The following FLNB variants were observed in gnomAD, a reference collection of about 807,000 sequenced individuals.
The protein encoded by FLNB is filamin B.
Under a neutral mutation model 250.6 loss-of-function variants are expected in FLNB, and 111 were observed. That is an observed-to-expected ratio of 0.44 (90% CI 0.38 to 0.52). FLNB has a LOEUF of 0.52. FLNB is among the 20% of genes least tolerant of loss of function. The probability of loss-of-function intolerance (pLI) is 0.00; values close to 1 mark genes in which losing one functional copy is unlikely to be tolerated. For missense variants in FLNB, 2,869 were observed against 3,447.8 expected, an observed-to-expected ratio of 0.83 and a Z score of 4.20; for synonymous variants, 1,302 against 1,372.1, an observed-to-expected ratio of 0.95 and a Z score of 1.13.
In FLNB at chr3:58,067,593, G is replaced by T. The variant is rs6786277; in HGVS notation, c.293-9453G>T. Among the ~76,000 whole-genome samples, 454 of 140,610 alleles carry T rather than the reference G, an allele frequency of 3.2e-3. 3 individuals carry two copies. The highest frequency in any genetic ancestry group is 0.01 in the African/African-American group (379 of 37,396). The allele number at this position is 140,610 out of a possible 152,430, so 92.2% of individuals were successfully genotyped here. The stretch of plus-strand genomic sequence containing the variant: ...AGAGGTTTTTTTTGTTTGTTTTTTT[G>T]TTTTTTTTTTGTTTTTTTTTTGGGA... On this transcript the variant is annotated intron_variant, in intron 1 of 45. Transcript: ENST00000295956.
chr3:58,014,044 G>T (rs1429650084), intron 1 of FLNB, among the ~76,000 whole-genome samples: 4 of 152,188 alleles, frequency 2.6e-5, no homozygotes, highest in Non-Finnish European at 5.9e-5. Context: ...TTAAAAGGCT[G>T]TTATAAAGAT....
At chr3:58,074,691 G>T (rs935630882) in intron 1 of FLNB, among the ~76,000 whole-genome samples, 2 of 152,204 alleles carry the variant, frequency 1.3e-5, no homozygotes, top group Non-Finnish European at 2.9e-5. Flanking sequence ...GAAAATGGAT[G>T]TTGGTGTGAA....
At chr3:58,057,138 G>A (rs1000929835) in intron 1 of FLNB, among the ~76,000 whole-genome samples, 6 of 152,096 alleles carry the variant, frequency 3.9e-5, no homozygotes, top group East Asian at 3.9e-4. Context: ...ACCATGCCTG[G>A]TTAATTTTTG....
intron 14 of FLNB, 51 bp downstream of exon 14, chr3:58,109,373 C>T: frequency 6.3e-7 from 1 of 1,592,606 alleles, no homozygotes; most frequent in Non-Finnish European, 8.6e-7. Flanking sequence ...CCTGGTCATA[C>T]ACCAGGTCTG....
At chr3:58,085,871 C>CA (rs1213794071) in intron 4 of FLNB, among the ~76,000 whole-genome samples, 3 of 152,134 alleles carry the variant, frequency 2.0e-5, no homozygotes, top group Non-Finnish European at 4.4e-5. Context: ...CATGGTTAGC[C>CA]ACGGGTGACC....
chr3:58,125,788 G>T (rs751278451), intron 23 of FLNB, 45 bp downstream of exon 23: 2 of 1,581,820 alleles, frequency 1.3e-6, no homozygotes, highest in African/African-American at 1.3e-5. Flanking sequence ...CACTTTTGTG[G>T]CTAGATTCTA....
chr3:58,063,960 A>C (rs2097181887), intron 1 of FLNB, among the ~76,000 whole-genome samples: 1 of 152,138 alleles, frequency 6.6e-6, no homozygotes, highest in African/African-American at 2.4e-5. Flanking sequence ...ACAAAAAGCC[A>C]AAAGGTTTTT....
intron 1 of FLNB, among the ~76,000 whole-genome samples, chr3:58,046,889 G>A (rs2097155180): frequency 6.6e-6 from 1 of 152,138 alleles, no homozygotes; most frequent in African/African-American, 2.4e-5. Context: ...AATCATACAC[G>A]TGTTCTGGTG....
In FLNB at chr3:58,138,406, C is replaced by G; in HGVS notation, c.4986C>G (p.Ala1662=). 2 of 1,614,130 alleles carry G rather than the reference C, an allele frequency of 1.2e-6. No individual in the cohort carries two copies. The highest frequency in any genetic ancestry group is 2.2e-5 in the South Asian group (2 of 91,084). ...CCCCAGATGGCACTGAGGCCGAGGC[C>G]GATGTCATTGAGAATGAAGATGGAA... ...VLTPDGTEAE[A]DVIENEDGTY... is the part of the protein sequence containing the mutation. The change falls in exon 29 of 46, where the codon GCC becomes GCG. Residue 1662 remains alanine, a synonymous_variant. Coordinates refer to ENST00000295956, the MANE Select transcript of FLNB (RefSeq NM_001457.4).
In FLNB at chr3:58,049,080, T is replaced by G. The variant is rs79751558; in HGVS notation, c.293-27966T>G. Among the ~76,000 whole-genome samples the G allele has an allele frequency of 2.0e-5, 3 of 152,362 alleles. No homozygotes were observed. In the East Asian group the frequency reaches 5.8e-4, roughly 29 times the overall value. On this transcript the variant is annotated intron_variant, in intron 1 of 45. Coordinates refer to ENST00000295956, the MANE Select transcript of FLNB (RefSeq NM_001457.4). ...TTAAATTTGAATTTCAGATAGACAA[T>G]GAATAACTTTTTAGTATAAGTATGT...
At chr3:58,128,355 C>G (rs925028136) in intron 24 of FLNB, among the ~76,000 whole-genome samples, 4 of 152,186 alleles carry the variant, frequency 2.6e-5, no homozygotes, top group African/African-American at 9.7e-5. Flanking sequence ...TCATTTAAAA[C>G]AACATGTTTC....
intron 1 of FLNB, among the ~76,000 whole-genome samples, chr3:58,051,740 G>T (rs1382550612): frequency 6.6e-6 from 1 of 151,200 alleles, no homozygotes; most frequent in African/African-American, 2.4e-5. Context: ...AGTGATTTTT[G>T]TGAGTAACGG....
chr3:58,029,724 C>G (rs1161315397), intron 1 of FLNB, among the ~76,000 whole-genome samples: 1 of 151,916 alleles, frequency 6.6e-6, no homozygotes, highest in Non-Finnish European at 1.5e-5. Context: ...AGGCTGGTCT[C>G]GAACTACTGA....
intron 41 of FLNB, among the ~76,000 whole-genome samples, chr3:58,159,106 G>A (rs1439283917): frequency 6.6e-6 from 1 of 151,984 alleles, no homozygotes; most frequent in Non-Finnish European, 1.5e-5. Context: ...TTTATAATAT[G>A]TTCCTCCAGG....
intron 9 of FLNB, among the ~76,000 whole-genome samples, chr3:58,103,696 C>T (rs909082550): frequency 6.6e-6 from 1 of 152,146 alleles, no homozygotes; most frequent in African/African-American, 2.4e-5. Context: ...CAGGGCCCCT[C>T]GTAGCCAAGC....
chr3:58,015,444 A>T (rs954522313), intron 1 of FLNB, among the ~76,000 whole-genome samples: 4 of 152,162 alleles, frequency 2.6e-5, no homozygotes, highest in African/African-American at 7.2e-5. Context: ...TCTGATGAAG[A>T]TGTCTCCCAA....
At position 58,117,219 on chromosome 3, in the gene FLNB, G is replaced by T. The variant is rs569509401; in HGVS notation, c.2746-1653G>T. On this transcript the variant is annotated intron_variant, in intron 18 of 45. Transcript: ENST00000295956. ...GGGAATAAACACAGTCCATTCCTTA[G>T]TTGGGGCCTCAGGGGACACTTTAAA... Among the ~76,000 whole-genome samples, 235 of 152,320 alleles carry T rather than the reference G, an allele frequency of 1.5e-3. 3 individuals are homozygous for T. In the South Asian group the frequency reaches 0.026, roughly 17 times the overall value.
intron 1 of FLNB, among the ~76,000 whole-genome samples, chr3:58,059,791 T>C (rs536675818): frequency 9.2e-5 from 14 of 152,310 alleles, no homozygotes; most frequent in African/African-American, 2.9e-4. Context: ...AGGAGGATGA[T>C]GTAACCCTCA....
chr3:58,026,626 T>TTC (rs2097124019), intron 1 of FLNB, among the ~76,000 whole-genome samples: 1 of 152,100 alleles, frequency 6.6e-6, no homozygotes, highest in African/African-American at 2.4e-5. Flanking sequence ...GGCCAGTATT[T>TTC]TCGGTTCTCT....
Sources: allele counts gnomAD v4.1 joint callset (sites outside exome capture counted in the v4.1 genomes callset), GRCh38; gene constraint gnomAD v4.1.1; transcripts MANE v1.5; gene names NCBI Gene and HGNC (gene_info 2026-07-23, HGNC 2026-07-21).